The following RSRP1 variants were observed in gnomAD, a reference collection of about 807,000 sequenced individuals.
RSRP1 encodes the protein arginine and serine rich protein 1.
RSRP1 carries 37 observed loss-of-function variants against 33.0 expected under a neutral mutation model. The ratio of observed to expected loss-of-function variants is 1.12; its 90% CI spans 0.86 to 1.48. The LOEUF (loss-of-function observed/expected upper bound fraction) is 1.48, where lower values mean the gene tolerates loss of function less well. RSRP1 is among the 40% of genes most tolerant of loss of function. The pLI, the probability that RSRP1 is intolerant of heterozygous loss-of-function variation, is 0.00. For synonymous variants in RSRP1, 167 were observed against 158.7 expected, an observed-to-expected ratio of 1.05 and a Z score of -0.40; for missense variants, 402 against 385.3, an observed-to-expected ratio of 1.04 and a Z score of -0.36.
At chr1:25,264,326 A>G (rs1640253945) in intron 1 of RSRP1, among the ~76,000 whole-genome samples, 2 of 151,984 alleles carry the variant, frequency 1.3e-5, no homozygotes, top group African/African-American at 4.8e-5. Flanking sequence ...CTGGGCATCC[A>G]GGCATTTCCG....
rs1034450923 is a variant in RSRP1, at chr1:25,312,600, A to G, written c.-67+25378T>C. On this transcript the variant is annotated intron_variant, in intron 1 of 1. Transcript: ENST00000561867. ...CTCTACAAAAAATAAAAATAAAAAA[A>G]TTAGCCAGGTATTGTGGCATATACC... Among the ~76,000 whole-genome samples the G allele has an allele frequency of 4.6e-5, 6 of 129,478 alleles. 1 individual carries two copies. Among genetic ancestry groups the G allele is most frequent in the Admixed American group, 2.3e-4 (3 of 13,206 alleles). 84.9% of individuals were successfully genotyped at this position (129,478 alleles called of 152,430 possible).
intron 1 of RSRP1, among the ~76,000 whole-genome samples, chr1:25,274,140 A>T (rs2124582700): frequency 7.5e-6 from 1 of 132,778 alleles, no homozygotes; most frequent in East Asian, 1.9e-4. Context: ...TGTACCAGGC[A>T]CTATTCTACA....
chr1:25,276,959 T>G (rs1641061148), intron 1 of RSRP1, among the ~76,000 whole-genome samples: 1 of 130,284 alleles, frequency 7.7e-6, no homozygotes, highest in South Asian at 2.3e-4. Flanking sequence ...CCCAGCTACT[T>G]GGGAGGCTGA....
At chr1:25,270,924 T>A (rs1640483316) in intron 1 of RSRP1, among the ~76,000 whole-genome samples, 1 of 130,440 alleles carries the variant, frequency 7.7e-6, no homozygotes, top group Admixed American at 7.5e-5. Context: ...GCAGCCAACT[T>A]TTTTCTATGC....
intron 1 of RSRP1, chr1:25,284,496 G>C: frequency 2.4e-6 from 3 of 1,262,250 alleles, no homozygotes; most frequent in Admixed American, 1.8e-5. Context: ...CTGCCATTTA[G>C]TAAGACTCTA....
At position 25,313,886 on chromosome 1, in the gene RSRP1, A is replaced by C. The variant is rs1644291428; in HGVS notation, c.-67+24092T>G. Among the ~76,000 whole-genome samples the C allele has an allele frequency of 3.8e-5, 5 of 133,230 alleles. 2 individuals are homozygous for C. Among genetic ancestry groups the C allele is most frequent in the Admixed American group, 3.7e-4 (5 of 13,654 alleles). 87.4% of individuals were successfully genotyped at this position (133,230 alleles called of 152,430 possible). On this transcript the variant is annotated intron_variant, in intron 1 of 1. Coordinates refer to the RSRP1 transcript ENST00000561867. ...TGGCCATTAGTGTGGCCCTGTCATAAATGAATGCCAGATAGGCAAATAGAG... is the reference window on the plus strand; with the variant it reads ...TGGCCATTAGTGTGGCCCTGTCATACATGAATGCCAGATAGGCAAATAGAG...
chr1:25,331,152 G>C (rs28709060), intron 1 of RSRP1, among the ~76,000 whole-genome samples: 1 of 126,518 alleles, frequency 7.9e-6, no homozygotes, highest in African/African-American at 2.7e-5. Context: ...ATTTTTAGTA[G>C]AGACAGGGTT....
At chr1:25,328,970 C>A (rs1212980059) in intron 1 of RSRP1, 1 of 1,358,860 alleles carries the variant, frequency 7.4e-7, no homozygotes, top group Non-Finnish European at 1.0e-6. Context: ...AACAAGACAA[C>A]TTCCTCTCAC....
At chr1:25,242,825 G>T in intron 4 of RSRP1, 120 bp from the exon 5 acceptor site, 1 of 697,644 alleles carries the variant, frequency 1.4e-6, no homozygotes, top group Non-Finnish European at 2.4e-6. Flanking sequence ...TGCTGGGCGC[G>T]GTGGCTCACG....
At chr1:25,263,926 G>T (rs1640237764) in intron 1 of RSRP1, among the ~76,000 whole-genome samples, 1 of 151,980 alleles carries the variant, frequency 6.6e-6, no homozygotes, top group Non-Finnish European at 1.5e-5. Flanking sequence ...GAGGCTACAG[G>T]CCCATGAGAG....
chr1:25,262,553 G>C (rs1461027100), intron 1 of RSRP1, among the ~76,000 whole-genome samples: 1 of 152,194 alleles, frequency 6.6e-6, no homozygotes, highest in Non-Finnish European at 1.5e-5. Flanking sequence ...GATTACAGAG[G>C]CTGAGAAGTC....
intron 1 of RSRP1, among the ~76,000 whole-genome samples, chr1:25,260,922 C>T (rs2124562215): frequency 6.6e-6 from 1 of 152,170 alleles, no homozygotes; most frequent in African/African-American, 2.4e-5. Context: ...CTGCCTCAGC[C>T]TCCCGAGTAG....
At chr1:25,263,156 C>T (rs1571544562) in intron 1 of RSRP1, among the ~76,000 whole-genome samples, 1 of 151,900 alleles carries the variant, frequency 6.6e-6, no homozygotes, top group South Asian at 2.1e-4. Flanking sequence ...GTAGAGAAGA[C>T]AAGTGTGGTG....
Position 25,309,699 on chromosome 1 carries a change from C to G in RSRP1, c.-67+28279G>C, listed in dbSNP as rs2986171. ...GCCTAGTTTGAATCCCAAGAGCCACCCAGTCCAAGCCACAAAACATTGGAA... is the reference window on the plus strand; with the variant it reads ...GCCTAGTTTGAATCCCAAGAGCCACGCAGTCCAAGCCACAAAACATTGGAA... On this transcript the variant is annotated intron_variant, in intron 1 of 1. Transcript: ENST00000561867. 2.4e-5 allele frequency among the ~76,000 whole-genome samples: 3 copies of G among 125,724 alleles called. 1 individual carries two copies. The highest frequency in any genetic ancestry group is 3.6e-5 in the Non-Finnish European group (2 of 55,414). 82.5% of individuals were successfully genotyped at this position (125,724 alleles called of 152,430 possible).
In RSRP1 at chr1:25,262,344, G is replaced by C. The variant is rs3178750; in HGVS notation, c.-66-15315C>G. Among the ~76,000 whole-genome samples, 74 of 152,224 alleles carry C rather than the reference G, an allele frequency of 4.9e-4. 1 individual carries two copies. The highest frequency in any genetic ancestry group is 2.5e-3 in the Admixed American group (38 of 15,298). On this transcript the variant is annotated intron_variant, in intron 1 of 1. Coordinates refer to the RSRP1 transcript ENST00000561867. ...CCTAAGATACAGCAGTAAACAAATG[G>C]ATAAAGTCCCTGTCCTCATGAAACT...
At chr1:25,287,626 C>T (rs1642148181) in intron 1 of RSRP1, among the ~76,000 whole-genome samples, 1 of 135,472 alleles carries the variant, frequency 7.4e-6, no homozygotes, top group African/African-American at 2.5e-5. Context: ...TCTTATTCAA[C>T]GTTGTTGTTT....
chr1:25,289,137 G>A (rs187753976), intron 1 of RSRP1, among the ~76,000 whole-genome samples: 114 of 132,010 alleles, frequency 8.6e-4, no homozygotes, highest in African/African-American at 2.9e-3. Flanking sequence ...AATCCTCTAC[G>A]TGACCCTCTG....
intron 1 of RSRP1, among the ~76,000 whole-genome samples, chr1:25,288,210 A>G (rs1269263348): frequency 1.5e-5 from 2 of 129,086 alleles, no homozygotes; most frequent in African/African-American, 5.3e-5. Context: ...CAGAGACAGG[A>G]CCTCACTGTG....
chr1:25,247,216 T>G, intron 1 of RSRP1, 93 bp downstream of exon 1: 10 of 434,742 alleles, frequency 2.3e-5, no homozygotes, highest in Non-Finnish European at 3.3e-5. Context: ...AAACGCTGCG[T>G]TCCCCAAACG....
Sources: gnomAD v4.1 joint callset for allele counts (sites outside exome capture counted in the v4.1 genomes callset) on GRCh38, gnomAD v4.1.1 for gene constraint, MANE v1.5 for transcripts, NCBI Gene and HGNC (gene_info 2026-07-23, HGNC 2026-07-21) for gene names.